The following GABRA2 variants were observed in gnomAD, a reference collection of about 807,000 sequenced individuals.
GABRA2 encodes the protein gamma-aminobutyric acid type A receptor subunit alpha2.
Under a neutral mutation model 48.7 loss-of-function variants are expected in GABRA2, and 16 were observed. The ratio of observed to expected loss-of-function variants is 0.33; its 90% CI spans 0.22 to 0.50. The LOEUF is 0.50. Among genes scored for constraint, GABRA2 ranks in the 20% least tolerant of loss-of-function variants. GABRA2 has a pLI of 0.98. For missense variants in GABRA2, 275 were observed against 535.6 expected, an observed-to-expected ratio of 0.51 and a Z score of 4.80; for synonymous variants, 185 against 184.5, an observed-to-expected ratio of 1.00 and a Z score of -0.02.
At chr4:46,370,893 C>CCA (rs375227159) in intron 3 of GABRA2, among the ~76,000 whole-genome samples, 71 of 150,324 alleles carry the variant, frequency 4.7e-4, no homozygotes, top group African/African-American at 1.5e-3. Flanking sequence ...TTGAAACAAG[C>CCA]CACACACACA....
In GABRA2 at chr4:46,335,803, T is replaced by G. The variant is rs150794449; in HGVS notation, c.188-3121A>C. ...CTCTTAGTTGACACACCAAAGTCTG[T>G]CCTGACTCAGAGCCTTCAAAATGGC... is the stretch of plus-strand genomic sequence containing the variant. On this transcript the variant is annotated intron_variant, in intron 3 of 9. Coordinates refer to ENST00000381620, the MANE Select transcript of GABRA2 (RefSeq NM_000807.4). Among the ~76,000 whole-genome samples the G allele has an allele frequency of 6.7e-3, 1,023 of 152,216 alleles. 7 individuals carry two copies. The highest frequency in any genetic ancestry group is 0.014 in the Middle Eastern group (4 of 294).
At chr4:46,333,978 C>T (rs910844954) in intron 3 of GABRA2, among the ~76,000 whole-genome samples, 4 of 152,004 alleles carry the variant, frequency 2.6e-5, no homozygotes, top group African/African-American at 7.2e-5. Context: ...CAGAATACTC[C>T]GTGCCAAAGG....
chr4:46,284,629 G>A (rs2109487163), intron 8 of GABRA2, among the ~76,000 whole-genome samples: 1 of 152,192 alleles, frequency 6.6e-6, no homozygotes, highest in African/African-American at 2.4e-5. Context: ...CCAATATAAT[G>A]GAGCAAAGTC....
chr4:46,246,763 G>A lies in GABRA2; in HGVS notation c.*3545C>T, dbSNP rs1471417738. On this transcript the variant is annotated 3_prime_UTR_variant, in exon 10 of 10. Coordinates refer to ENST00000381620, the MANE Select transcript of GABRA2 (RefSeq NM_000807.4). ...TTCCAAGTAAATAATAAATATGTCT[G>A]TGTTTCACAGACATGTGTCTGAGGG... 6.6e-6 allele frequency among the ~76,000 whole-genome samples: 1 copy of A among 151,184 alleles called. No homozygotes were observed.
Position 46,305,465 on chromosome 4 carries a change from G to A in GABRA2, c.703+103C>T. The A allele has an allele frequency of 1.1e-5, 11 of 1,017,196 alleles. No individual in the cohort carries two copies. In the South Asian group the frequency reaches 1.9e-4, roughly 17 times the overall value. 63.0% of individuals were successfully genotyped at this position (1,017,196 alleles called of 1,614,324 possible). A position where few individuals can be genotyped will look rare whatever the true frequency, so the allele number is the denominator to read the frequency against. On this transcript the variant is annotated intron_variant, in intron 7 of 9. Transcript: ENST00000381620. ...GCACAGCCTATGCTGCTAGTTCTTG[G>A]ACCTCAAGAGCAAAAGATTTTAAGC... is the stretch of plus-strand genomic sequence containing the variant.
chr4:46,358,570 C>T (rs1315690398), intron 3 of GABRA2, among the ~76,000 whole-genome samples: 1 of 152,062 alleles, frequency 6.6e-6, no homozygotes, highest in Admixed American at 6.6e-5. Context: ...GAATTTGCAC[C>T]TCTTTAAGAA....
chr4:46,278,265 T>C (rs189646286), intron 8 of GABRA2, among the ~76,000 whole-genome samples: 216 of 152,306 alleles, frequency 1.4e-3, no homozygotes, highest in Non-Finnish European at 2.2e-3. Flanking sequence ...CAAAGGTATA[T>C]GTTGACTTTA....
chr4:46,302,748 CT>C (rs1725961826), intron 8 of GABRA2: 2 of 152,170 alleles, frequency 1.3e-5, no homozygotes, highest in African/African-American at 4.8e-5. Flanking sequence ...CTTTTTCCAC[CT>C]GTTCTTCTCC....
chr4:46,357,039 G>A (rs564369600), intron 3 of GABRA2, among the ~76,000 whole-genome samples: 6 of 150,856 alleles, frequency 4.0e-5, no homozygotes, highest in East Asian at 3.9e-4. Context: ...TTTGCTTCCC[G>A]TGATAAGCAC....
chr4:46,271,823 G>A (rs919323801), intron 8 of GABRA2, among the ~76,000 whole-genome samples: 2 of 151,692 alleles, frequency 1.3e-5, no homozygotes, highest in African/African-American at 4.8e-5. Context: ...TTCTCTCAGA[G>A]AAAGACTTCA....
At chr4:46,384,696 G>A (rs1717208851) in intron 3 of GABRA2, among the ~76,000 whole-genome samples, 1 of 152,150 alleles carries the variant, frequency 6.6e-6, no homozygotes, top group African/African-American at 2.4e-5. Context: ...TGAATTATGG[G>A]AACCTTACTT....
intron 3 of GABRA2, among the ~76,000 whole-genome samples, chr4:46,383,493 A>G (rs1038016619): frequency 6.6e-6 from 1 of 152,220 alleles, no homozygotes; most frequent in Non-Finnish European, 1.5e-5. Context: ...TGACCACAAT[A>G]TGCAAATCAA....
At chr4:46,278,811 T>C (rs1055457187) in intron 8 of GABRA2, among the ~76,000 whole-genome samples, 1 of 151,972 alleles carries the variant, frequency 6.6e-6, no homozygotes, top group Non-Finnish European at 1.5e-5. Context: ...AAAAGGAATG[T>C]TCCAGAGTAG....
At chr4:46,303,174 C>A in intron 8 of GABRA2, 1 of 298,408 alleles carries the variant, frequency 3.4e-6, no homozygotes, top group Non-Finnish European at 6.1e-6. Flanking sequence ...GAAAATTCAC[C>A]TTGTGTAAAT....
intron 4 of GABRA2, among the ~76,000 whole-genome samples, chr4:46,313,154 A>C (rs1038907383): frequency 2.0e-5 from 3 of 148,906 alleles, no homozygotes; most frequent in African/African-American, 7.4e-5. Flanking sequence ...TAAATAAATA[A>C]ATAAAATTTT....
chr4:46,380,270 T>C (rs1047029880), intron 3 of GABRA2, among the ~76,000 whole-genome samples: 6 of 152,218 alleles, frequency 3.9e-5, no homozygotes, highest in Admixed American at 6.5e-5. Flanking sequence ...ATCTTTTTCA[T>C]TGGTTTTGTT....
intron 4 of GABRA2, among the ~76,000 whole-genome samples, chr4:46,329,782 T>C (rs1731022247): frequency 6.6e-6 from 1 of 152,134 alleles, no homozygotes; most frequent in African/African-American, 2.4e-5. Context: ...TGCTCCCATT[T>C]GGTAGCTTTG....
At chr4:46,371,781 C>G (rs911181824) in intron 3 of GABRA2, among the ~76,000 whole-genome samples, 2 of 152,100 alleles carry the variant, frequency 1.3e-5, no homozygotes, top group African/African-American at 4.8e-5. Context: ...AAGTTTACCA[C>G]CACCACCATT....
At chr4:46,378,049 C>A (rs1716176499) in intron 3 of GABRA2, among the ~76,000 whole-genome samples, 1 of 152,026 alleles carries the variant, frequency 6.6e-6, no homozygotes, top group Non-Finnish European at 1.5e-5. Context: ...GTTCAGCCCC[C>A]CCACCCGGCC....
Sources: allele counts gnomAD v4.1 joint callset (sites outside exome capture counted in the v4.1 genomes callset), GRCh38; gene constraint gnomAD v4.1.1; transcripts MANE v1.5; gene names NCBI Gene and HGNC (gene_info 2026-07-23, HGNC 2026-07-21).